Variants in FRMPD4 observed in about 807,000 individuals in gnomAD.
The protein encoded by FRMPD4 is FERM and PDZ domain containing 4.
In FRMPD4, 22 loss-of-function variants were observed where a neutral mutation model predicts 94.1. The ratio of observed to expected loss-of-function variants is 0.23; its 90% CI spans 0.17 to 0.33. The LOEUF (loss-of-function observed/expected upper bound fraction) is 0.33, where lower values mean the gene tolerates loss of function less well. Among genes scored for constraint, FRMPD4 ranks in the 10% least tolerant of loss-of-function variants. The pLI, the probability that FRMPD4 is intolerant of heterozygous loss-of-function variation, is 1.00. For missense variants in FRMPD4, 1,111 were observed against 1,339.9 expected (o/e 0.83, Z 2.67); for synonymous variants, 631 against 548.6 (o/e 1.15, Z -2.10).
At chrX:11,831,409 C>T (rs776494961) in intron 1 of FRMPD4, among the ~76,000 whole-genome samples, 14 of 110,899 alleles carry the variant, frequency 1.3e-4, no homozygotes, top group Non-Finnish European at 2.6e-4. Context: ...GTCTAGTCTC[C>T]CAGCTTTGGT....
intron 3 of FRMPD4, among the ~76,000 whole-genome samples, chrX:12,110,909 T>G (rs765382678): frequency 2.7e-5 from 3 of 110,928 alleles, no homozygotes; most frequent in African/African-American, 6.5e-5. Context: ...CACTGCTCAA[T>G]GAAATAAAAG....
At chrX:12,415,738 G>A (rs1419198402) in intron 1 of FRMPD4, among the ~76,000 whole-genome samples, 1 of 111,956 alleles carries the variant, frequency 8.9e-6, no homozygotes, top group Non-Finnish European at 1.9e-5. Context: ...CTGGTTTATT[G>A]CTCATGTAGC....
chrX:12,151,258 C>T (rs1015753385), intron 1 of FRMPD4, among the ~76,000 whole-genome samples: 1 of 110,981 alleles, frequency 9.0e-6, no homozygotes, highest in African/African-American at 3.3e-5. Context: ...CTTGTATTTG[C>T]ATCACAATGG....
At chrX:12,153,158 G>A (rs918426914) in intron 1 of FRMPD4, among the ~76,000 whole-genome samples, 32 of 110,557 alleles carry the variant, frequency 2.9e-4, no homozygotes, top group African/African-American at 1.0e-3. Context: ...GGATGGTCTC[G>A]ATCTCCTGAC....
chrX:12,425,751 A>G (rs2056938571), intron 1 of FRMPD4, among the ~76,000 whole-genome samples: 1 of 112,090 alleles, frequency 8.9e-6, no homozygotes, highest in Admixed American at 9.4e-5. Flanking sequence ...TAGAGTGAGA[A>G]GGTCTTGAGA....
chrX:11,840,642 ACTT>A (rs2053529181), intron 1 of FRMPD4, among the ~76,000 whole-genome samples: 1 of 109,099 alleles, frequency 9.2e-6, no homozygotes, highest in Admixed American at 9.8e-5. Flanking sequence ...TTATGTTAAA[ACTT>A]TCAGTCTCTA....
At chrX:11,983,673 C>T (rs1409363363) in intron 3 of FRMPD4, among the ~76,000 whole-genome samples, 2 of 111,551 alleles carry the variant, frequency 1.8e-5, no homozygotes, top group Non-Finnish European at 3.8e-5. Flanking sequence ...TTGTAAGTTC[C>T]GTGAAAACAG....
chrX:12,045,276 TG>T (rs2054779315), intron 3 of FRMPD4, among the ~76,000 whole-genome samples: 1 of 111,723 alleles, frequency 9.0e-6, no homozygotes, highest in Admixed American at 9.6e-5. Context: ...GGAAAAGGTT[TG>T]CAAGCCCCAC....
chrX:12,489,940 A>G (rs1393949188), intron 1 of FRMPD4, among the ~76,000 whole-genome samples: 1 of 111,482 alleles, frequency 9.0e-6, no homozygotes, highest in Non-Finnish European at 1.9e-5. Flanking sequence ...AAGTCCCATA[A>G]GTGTCCAGGA....
At chrX:12,393,327 G>GA (rs971156887) in intron 1 of FRMPD4, among the ~76,000 whole-genome samples, 5 of 110,747 alleles carry the variant, frequency 4.5e-5, no homozygotes, top group African/African-American at 9.8e-5. Context: ...AGAAAAAACA[G>GA]AAAAAAAAAT....
rs766221475 is a variant in FRMPD4 at position 12,340,562 on chromosome X, CA to C, written c.42-158117del. ...ACCTTGAGATCTTAGCTGAGAAGTACATGTAACAAGTTGTCTCTTTGTGAGG... is the reference window on the plus strand; with the variant it reads ...ACCTTGAGATCTTAGCTGAGAAGTACTGTAACAAGTTGTCTCTTTGTGAGG... On this transcript the variant is annotated intron_variant, in intron 1 of 16. Transcript: ENST00000675598. 1.3e-3 allele frequency among the ~76,000 whole-genome samples: 148 copies of C among 111,781 alleles called. 1 individual carries two copies. The highest frequency in any genetic ancestry group is 1.4e-3 in the Non-Finnish European group (77 of 53,144).
chrX:12,277,043 C>T (rs2054450639), intron 1 of FRMPD4, among the ~76,000 whole-genome samples: 1 of 101,882 alleles, frequency 9.8e-6, no homozygotes, highest in East Asian at 3.1e-4. Context: ...ATGGCGTGAA[C>T]CCGGGAGGCG....
At chrX:12,411,053 G>A (rs6640980) in intron 1 of FRMPD4, among the ~76,000 whole-genome samples, 1 of 111,740 alleles carries the variant, frequency 8.9e-6, no homozygotes, top group Non-Finnish European at 1.9e-5. Context: ...TGTTCACATA[G>A]CAGTTGTTCA....
intron 3 of FRMPD4, among the ~76,000 whole-genome samples, chrX:12,061,203 G>A (rs2054883839): frequency 8.9e-6 from 1 of 111,914 alleles, no homozygotes; most frequent in Non-Finnish European, 1.9e-5. Flanking sequence ...CAAGTTATGG[G>A]AAGGTGACCA....
At chrX:12,298,876 G>A (rs766056855) in intron 1 of FRMPD4, among the ~76,000 whole-genome samples, 1 of 111,962 alleles carries the variant, frequency 8.9e-6, no homozygotes, top group Non-Finnish European at 1.9e-5. Context: ...AGCACATCTG[G>A]GTGACCATCA....
intron 1 of FRMPD4, among the ~76,000 whole-genome samples, chrX:12,263,895 A>G (rs944407023): frequency 8.9e-6 from 1 of 111,733 alleles, no homozygotes; most frequent in Non-Finnish European, 1.9e-5. Flanking sequence ...CAGAAGGGCA[A>G]AGAGAGGGTA....
intron 1 of FRMPD4, among the ~76,000 whole-genome samples, chrX:11,853,636 G>A (rs1370827919): frequency 9.0e-6 from 1 of 111,007 alleles, no homozygotes; most frequent in Non-Finnish European, 1.9e-5. Flanking sequence ...AGAAAAAATG[G>A]ACACATACCT....
intron 1 of FRMPD4, among the ~76,000 whole-genome samples, chrX:12,413,577 A>G (rs931287839): frequency 6.2e-5 from 7 of 112,326 alleles, no homozygotes; most frequent in Admixed American, 3.8e-4. Context: ...TTCTAGCTAC[A>G]CCAAGTAAAT....
intron 2 of FRMPD4, among the ~76,000 whole-genome samples, chrX:12,503,083 A>G (rs1437490854): frequency 1.8e-5 from 2 of 112,457 alleles, no homozygotes; most frequent in Non-Finnish European, 3.8e-5. Flanking sequence ...AACATGATTC[A>G]TAAATCTGGA....
Sources: gnomAD v4.1 joint callset for allele counts (sites outside exome capture counted in the v4.1 genomes callset) on GRCh38, gnomAD v4.1.1 for gene constraint, MANE v1.5 for transcripts, NCBI Gene and HGNC (gene_info 2026-07-23, HGNC 2026-07-21) for gene names.